The following EYS variants were observed in gnomAD, a reference collection of about 807,000 sequenced individuals.
EYS encodes the protein protein eyes shut homolog.
A neutral mutation model predicts 282.1 loss-of-function variants in EYS; 250 were observed. That is an observed-to-expected ratio of 0.89 (90% CI 0.80 to 0.98). The LOEUF is 0.98. Among genes scored for constraint, EYS ranks in the 50% least tolerant of loss-of-function variants. The pLI is 0.00. For missense variants in EYS, 4,016 were observed against 3,709.0 expected, an observed-to-expected ratio of 1.08 and a Z score of -2.15; for synonymous variants, 1,355 against 1,282.9, an observed-to-expected ratio of 1.06 and a Z score of -1.20.
intron 22 of EYS, among the ~76,000 whole-genome samples, chr6:64,773,711 T>C (rs1162814138): frequency 6.6e-6 from 1 of 152,066 alleles, no homozygotes; most frequent in African/African-American, 2.4e-5. Context: ...TTGATTTGCA[T>C]CTCTCTAATG....
chr6:63,825,301 T>C (rs1010286625), intron 36 of EYS, among the ~76,000 whole-genome samples: 1 of 152,192 alleles, frequency 6.6e-6, no homozygotes, highest in Non-Finnish European at 1.5e-5. Context: ...CCCCACCTGA[T>C]GGTCCTTCCC....
chr6:65,544,821 T>C (rs1190736873), intron 2 of EYS, among the ~76,000 whole-genome samples: 1 of 152,100 alleles, frequency 6.6e-6, no homozygotes, highest in Admixed American at 6.6e-5. Flanking sequence ...TGGTGTCTCA[T>C]TGAGGCAAAA....
At chr6:64,308,779 A>T (rs1279090695) in intron 29 of EYS, among the ~76,000 whole-genome samples, 1 of 152,046 alleles carries the variant, frequency 6.6e-6, no homozygotes, top group Non-Finnish European at 1.5e-5. Flanking sequence ...TCACCTGGTA[A>T]TACTCTGTCA....
intron 24 of EYS, among the ~76,000 whole-genome samples, chr6:64,599,930 T>G (rs1290580726): frequency 6.6e-6 from 1 of 152,146 alleles, no homozygotes; most frequent in African/African-American, 2.4e-5. Flanking sequence ...TCAATTAAAT[T>G]TAATCATCAC....
chr6:65,242,233 CTAATT>C (rs1767074617), intron 12 of EYS, among the ~76,000 whole-genome samples: 1 of 151,954 alleles, frequency 6.6e-6, no homozygotes, highest in African/African-American at 2.4e-5. Context: ...CATCACAAAT[CTAATT>C]TTAGAATTTT....
chr6:64,375,589 C>T (rs967346541), intron 29 of EYS, among the ~76,000 whole-genome samples: 2 of 152,106 alleles, frequency 1.3e-5, no homozygotes, highest in South Asian at 2.1e-4. Flanking sequence ...TATCTACCTA[C>T]CAGAGTCTTC....
Position 64,773,465 on chromosome 6 carries a change from AC to A in EYS, c.3443+39912del, listed in dbSNP as rs1773586635. ...CATGTGCATGTGTCTTTATGGTAGAACGATTTATAGTCTTTTGGATATGCTC... is the reference window on the plus strand; with the variant it reads ...CATGTGCATGTGTCTTTATGGTAGAAGATTTATAGTCTTTTGGATATGCTC... On this transcript the variant is annotated intron_variant, in intron 22 of 42. Transcript: ENST00000503581. 2.6e-5 allele frequency among the ~76,000 whole-genome samples: 4 copies of A among 151,976 alleles called. No homozygotes were observed. The South Asian group carries it at 8.3e-4, about 32-fold the overall frequency.
At chr6:65,262,354 T>C (rs1456575808) in intron 12 of EYS, among the ~76,000 whole-genome samples, 1 of 152,116 alleles carries the variant, frequency 6.6e-6, no homozygotes, top group Non-Finnish European at 1.5e-5. Flanking sequence ...AAAGACTTAA[T>C]GTATAATTGA....
chr6:65,042,437 G>T, intron 13 of EYS, among the ~76,000 whole-genome samples: 1 of 150,796 alleles, frequency 6.6e-6, no homozygotes, highest in East Asian at 2.0e-4. Flanking sequence ...TAATTTTCTT[G>T]CTTTCATTTC....
chr6:65,237,243 C>T (rs1019979910), intron 12 of EYS, among the ~76,000 whole-genome samples: 1 of 151,928 alleles, frequency 6.6e-6, no homozygotes, highest in Admixed American at 6.6e-5. Flanking sequence ...TTGCATATAC[C>T]CAGATACTAT....
intron 34 of EYS, 68 bp from the exon 35 acceptor site, chr6:63,984,671 G>A: frequency 8.4e-7 from 1 of 1,189,244 alleles, no homozygotes. Flanking sequence ...GATGTAGGAT[G>A]TTTGGTTCTG....
intron 26 of EYS, among the ~76,000 whole-genome samples, chr6:64,514,149 T>G (rs753344356): frequency 7.9e-5 from 12 of 151,746 alleles, no homozygotes; most frequent in African/African-American, 1.7e-4. Flanking sequence ...GCTCCCCTAT[T>G]GATTGTGATC....
At position 64,144,529 on chromosome 6, in the gene EYS, C is replaced by T. The variant is rs574724286; in HGVS notation, c.6425-62527G>A. Among the ~76,000 whole-genome samples, 3 of 152,268 alleles carry T rather than the reference C, an allele frequency of 2.0e-5. No individual in the cohort carries two copies. In the South Asian group the frequency reaches 6.2e-4, roughly 32 times the overall value. ...AGGCACCCTAATCCTAACATGCTAA[C>T]TTAGGACTCTGGGACCTTTGCTGGG... On this transcript the variant is annotated intron_variant, in intron 31 of 42. Transcript: ENST00000503581.
chr6:64,641,767 C>T (rs1027930187), intron 22 of EYS, among the ~76,000 whole-genome samples: 4 of 152,164 alleles, frequency 2.6e-5, no homozygotes, highest in African/African-American at 9.7e-5. Flanking sequence ...ACCTCCTGAG[C>T]TCTGTCTCCT....
At chr6:63,831,832 C>G (rs1451685824) in intron 36 of EYS, among the ~76,000 whole-genome samples, 1 of 152,156 alleles carries the variant, frequency 6.6e-6, no homozygotes, top group Non-Finnish European at 1.5e-5. Flanking sequence ...CACTCCTCAG[C>G]AAATGTAAAA....
At chr6:64,620,968 TAA>T (rs1194152475) in intron 23 of EYS, among the ~76,000 whole-genome samples, 3 of 152,096 alleles carry the variant, frequency 2.0e-5, no homozygotes, top group Non-Finnish European at 4.4e-5. Flanking sequence ...TGGTGCAAAA[TAA>T]AGACAACTTT....
At chr6:64,368,688 T>C (rs1422097442) in intron 29 of EYS, among the ~76,000 whole-genome samples, 1 of 152,180 alleles carries the variant, frequency 6.6e-6, no homozygotes, top group Non-Finnish European at 1.5e-5. Flanking sequence ...CATATGTTTG[T>C]TGCCCACATG....
At chr6:65,102,372 G>A (rs897877375) in intron 12 of EYS, among the ~76,000 whole-genome samples, 7 of 151,164 alleles carry the variant, frequency 4.6e-5, no homozygotes, top group African/African-American at 1.7e-4. Flanking sequence ...AATTTTTTAA[G>A]TGACAATATT....
chr6:65,019,626 A>G (rs958597518), intron 13 of EYS, among the ~76,000 whole-genome samples: 6 of 152,202 alleles, frequency 3.9e-5, no homozygotes, highest in African/African-American at 1.4e-4. Flanking sequence ...AATTTAAGAC[A>G]TTAATATCAT....
Sources: gnomAD v4.1 joint callset for allele counts (sites outside exome capture counted in the v4.1 genomes callset) on GRCh38, gnomAD v4.1.1 for gene constraint, MANE v1.5 for transcripts, NCBI Gene and HGNC (gene_info 2026-07-23, HGNC 2026-07-21) for gene names.